Variants in NBEAL2 observed in about 807,000 individuals in gnomAD.
NBEAL2 encodes the protein neurobeachin like 2.
A neutral mutation model predicts 299.8 loss-of-function variants in NBEAL2; 160 were observed. The observed-to-expected ratio is 0.53, with a 90% CI of 0.47 to 0.61. NBEAL2 has a LOEUF of 0.61. Ranked by LOEUF, NBEAL2 falls within the 20% of genes least tolerant of loss-of-function variation. The probability of loss-of-function intolerance (pLI) is 0.00; values close to 1 mark genes in which losing one functional copy is unlikely to be tolerated. For synonymous variants in NBEAL2, 1,493 were observed against 1,542.3 expected, an observed-to-expected ratio of 0.97 and a Z score of 0.75; for missense variants, 3,112 against 3,649.0, an observed-to-expected ratio of 0.85 and a Z score of 3.79.
In NBEAL2 at chr3:46,988,017, G is replaced by A. The variant is rs1307560883; in HGVS notation, c.52-652G>A. ...ACCAAAGTTTTCCTGGCAGCGCCTAGACCTGGGCTTAGCCACTGCCCCTCT... is the reference window on the plus strand; with the variant it reads ...ACCAAAGTTTTCCTGGCAGCGCCTAAACCTGGGCTTAGCCACTGCCCCTCT... On this transcript the variant is annotated intron_variant, in intron 1 of 53. Transcript: ENST00000450053. The surrounding 1 kb of genome is among the most constrained non-coding windows in gnomAD (Gnocchi z 4.4). 2 of 1,279,220 alleles carry A rather than the reference G, an allele frequency of 1.6e-6. No individual in the cohort carries two copies. The highest frequency in any genetic ancestry group is 2.0e-6 in the Non-Finnish European group (2 of 983,858). The allele number at this position is 1,279,220 out of a possible 1,614,324, so 79.2% of individuals were successfully genotyped here.
Position 47,000,302 on chromosome 3 carries a change from T to C in NBEAL2, c.4203T>C (p.Ala1401=). 1 of 1,612,232 alleles carries C rather than the reference T, an allele frequency of 6.2e-7. No homozygotes were observed. The highest frequency in any genetic ancestry group is 8.5e-7 in the Non-Finnish European group (1 of 1,179,412). Residue 1401 remains alanine (A), a synonymous_variant, in exon 27 of 54, where the codon GCT becomes GCC. Coordinates refer to ENST00000450053, the MANE Select transcript of NBEAL2 (RefSeq NM_015175.3). This position sits in a 1 kb window ranked among gnomAD's most constrained non-coding sequence, Gnocchi z 4.5. ...ATGGGCCGCGGCCCTTTCCTGCTGC[T>C]CCTGGCCGCCACAGCTCCAGTCTCT... is the stretch of plus-strand genomic sequence containing the variant. ...PLDGPRPFPA[A]PGRHSSSLSN...
At chr3:46,984,305 G>A (rs1425158459) in intron 1 of NBEAL2, among the ~76,000 whole-genome samples, 1 of 151,924 alleles carries the variant, frequency 6.6e-6, no homozygotes, top group Non-Finnish European at 1.5e-5. Context: ...GCGAGACTCC[G>A]TCTCAAAAAA....
In NBEAL2 at chr3:46,982,221, G is replaced by A. The variant is rs141448694; in HGVS notation, c.51+2309G>A. ...GTGTGTGTGCTTGGGGAGGGGGAGT[G>A]CAAGGTAAGGGGCAGAGCTGAAAGT... On this transcript the variant is annotated intron_variant, in intron 1 of 53. Transcript: ENST00000450053. This position sits in a 1 kb window ranked among gnomAD's most constrained non-coding sequence, Gnocchi z 4.2. Among the ~76,000 whole-genome samples, 804 of 152,270 alleles carry A rather than the reference G, an allele frequency of 5.3e-3. 6 individuals carry two copies. The highest frequency in any genetic ancestry group is 0.018 in the African/African-American group (758 of 41,544).
In NBEAL2 at chr3:46,996,766, C is replaced by T; in HGVS notation, c.2489C>T (p.Ala830Val). The change falls in exon 17 of 54, where the codon GCA becomes GTA. Residue 830 changes from alanine to valine, a missense_variant. Coordinates refer to ENST00000450053, the MANE Select transcript of NBEAL2 (RefSeq NM_015175.3). The stretch of plus-strand genomic sequence containing the variant: ...CACCTCCCAGGGCCCAATGAGACGG[C>T]ACCCTTCAAGCCTGAGGGGGAGCTG... ...TLCTLGPNET[A>V]PFKPEGELHE... 6.2e-7 allele frequency: 1 copy of T among 1,612,456 alleles called. No homozygotes were observed. Among genetic ancestry groups the T allele is most frequent in the Non-Finnish European group, 8.5e-7 (1 of 1,179,676 alleles).
chr3:47,009,101 G>C lies in NBEAL2; in HGVS notation c.8140G>C (p.Val2714Leu). The part of the protein sequence containing the change: ...VGLEDGKLIV[V>L]VAGQPSEVRS... Reference sequence around the variant, plus strand: ...CCTGGAGGATGGCAAGCTCATCGTGGTGGTCGCGGGGCAGCCCTCTGAGGT... The same window carrying C: ...CCTGGAGGATGGCAAGCTCATCGTGCTGGTCGCGGGGCAGCCCTCTGAGGT... The change falls in exon 53 of 54, where the codon GTG becomes CTG. Residue 2714 changes from valine (V) to leucine (L), a missense_variant. Val to Leu is a conservative substitution (Grantham distance 32, BLOSUM62 1). Transcript: ENST00000450053. 1 of 1,596,670 alleles carries C rather than the reference G, an allele frequency of 6.3e-7. No individual in the cohort carries two copies. The highest frequency in any genetic ancestry group is 1.3e-5 in the African/African-American group (1 of 74,878).
Position 47,004,959 on chromosome 3 carries a change from G to A in NBEAL2, c.6295-13G>A. The A allele has an allele frequency of 6.2e-7, 1 of 1,600,440 alleles. No individual in the cohort carries two copies. Among genetic ancestry groups the A allele is most frequent in the Non-Finnish European group, 8.5e-7 (1 of 1,173,976 alleles). On this transcript the variant is annotated splice_polypyrimidine_tract_variant and intron_variant, in intron 38 of 53. Transcript: ENST00000450053. The surrounding 1 kb of genome is among the most constrained non-coding windows in gnomAD (Gnocchi z 5.0). ...AGGGCCCTCATGCAGCCCCTGCTCG[G>A]GTGGGTGGCCAGTTCCCCTGGGTCC... is the stretch of plus-strand genomic sequence containing the variant.
At position 46,991,550 on chromosome 3, in the gene NBEAL2, G is replaced by T; in HGVS notation, c.787G>T (p.Ala263Ser). ...GGTAGGTGCAGTCCATGTCTTGCAT[G>T]CCAGCCGCGCACCTCCTCGTGGCCC... is the stretch of plus-strand genomic sequence containing the variant. ...ALVGAVHVLH[A>S]SRAPPRGPEL... Residue 263 changes from alanine to serine, a missense_variant, in exon 8 of 54, where the codon GCC becomes TCC. Ala to Ser is a moderately conservative substitution (Grantham distance 99). Around this residue, in one of 3 missense-constraint regions of NBEAL2, gnomAD observed 2,243 missense variants for 2,538.1 expected, o/e 0.88. Coordinates refer to ENST00000450053, the MANE Select transcript of NBEAL2 (RefSeq NM_015175.3). This position sits in a 1 kb window ranked among gnomAD's most constrained non-coding sequence, Gnocchi z 6.2. 6.2e-7 allele frequency: 1 copy of T among 1,606,406 alleles called. No homozygotes were observed.
rs2037587884 is a variant in NBEAL2 at position 47,007,997 on chromosome 3, C to T, written c.7603-73C>T. On this transcript the variant is annotated intron_variant, in intron 49 of 53. Transcript: ENST00000450053. The stretch of plus-strand genomic sequence containing the variant: ...TCAGTGGCCTTCCAGTCCTGTCCTC[C>T]TCTAGTCTTGGACAAGGCCTTCATT... The T allele has an allele frequency of 1.2e-5, 19 of 1,583,946 alleles. No homozygotes were observed. In the East Asian group the frequency reaches 4.3e-4, roughly 36 times the overall value.
At position 47,009,349 on chromosome 3, in the gene NBEAL2, GC is replaced by G. The variant is rs2037723990; in HGVS notation, c.*34del. 6.4e-7 allele frequency: 1 copy of G among 1,556,100 alleles called. No homozygotes were observed. The highest frequency in any genetic ancestry group is 1.4e-5 in the African/African-American group (1 of 73,274). ...TGGCCAGTCCGGCTGCTCGGGCCCC[GC>G]CCCCGGCAGGCCTGGCCCGGGAGGC... On this transcript the variant is annotated 3_prime_UTR_variant, in exon 54 of 54. Transcript: ENST00000450053.
chr3:46,987,199 T>A (rs1348131969), intron 1 of NBEAL2, among the ~76,000 whole-genome samples: 1 of 152,208 alleles, frequency 6.6e-6, no homozygotes, highest in African/African-American at 2.4e-5. Context: ...GCCTTGCCCG[T>A]GGTCTGGGCC....
chr3:46,997,475 G>T, intron 19 of NBEAL2, 42 bp downstream of exon 19: 1 of 1,596,812 alleles, frequency 6.3e-7, no homozygotes, highest in Non-Finnish European at 8.6e-7. Flanking sequence ...GGGAATCTTG[G>T]CATGGTAGGG....
chr3:46,991,329 A>T lies in NBEAL2; in HGVS notation c.642+25A>T, dbSNP rs1162188702. The T allele has an allele frequency of 1.3e-6, 2 of 1,588,950 alleles. No homozygotes were observed. The highest frequency in any genetic ancestry group is 1.7e-6 in the Non-Finnish European group (2 of 1,167,166). On this transcript the variant is annotated intron_variant, in intron 7 of 53. Transcript: ENST00000450053. The surrounding 1 kb of genome is among the most constrained non-coding windows in gnomAD (Gnocchi z 6.2). The stretch of plus-strand genomic sequence containing the variant: ...GGTAGGCTGGGAGGTGAGCCTGTGG[A>T]CTAGAGAGCAGCTCTTTCAGTATCT...
chr3:46,992,533 T>G lies in NBEAL2; in HGVS notation c.1091T>G (p.Leu364Arg). Residue 364 changes from leucine (L) to arginine (R), a missense_variant, in exon 10 of 54, where the codon CTG (leucine) becomes CGG (arginine). Physicochemically the swap from Leu to Arg is moderately radical, Grantham distance 102. Coordinates refer to ENST00000450053, the MANE Select transcript of NBEAL2 (RefSeq NM_015175.3). ...EGDSDLATRL[L>R]TEPDVQKVLD... Reference sequence around the variant, plus strand: ...GACAGTGACCTGGCTACCCGGTTACTGACTGAGCCCGATGTCCAAAAGGTA... The same window carrying G: ...GACAGTGACCTGGCTACCCGGTTACGGACTGAGCCCGATGTCCAAAAGGTA... The G allele has an allele frequency of 6.2e-7, 1 of 1,601,634 alleles. No individual in the cohort carries two copies. Among genetic ancestry groups the G allele is most frequent in the Non-Finnish European group, 8.5e-7 (1 of 1,174,542 alleles).
At chr3:46,994,046 G>T in intron 11 of NBEAL2, 26 bp downstream of exon 11, 1 of 1,591,138 alleles carries the variant, frequency 6.3e-7, no homozygotes, top group Admixed American at 1.7e-5. Flanking sequence ...TGCAGCTTTA[G>T]TAGGGGTGCG....
Position 46,988,061 on chromosome 3 carries a change from T to A in NBEAL2, c.52-608T>A. Reference sequence around the variant, plus strand: ...CCCCTCTTGCCCATGGAACCAGCTCTGGGGCCTGGGGTCCAGGTAACCAGC... The same window carrying A: ...CCCCTCTTGCCCATGGAACCAGCTCAGGGGCCTGGGGTCCAGGTAACCAGC... On this transcript the variant is annotated intron_variant, in intron 1 of 53. Coordinates refer to ENST00000450053, the MANE Select transcript of NBEAL2 (RefSeq NM_015175.3). The surrounding 1 kb of genome is among the most constrained non-coding windows in gnomAD (Gnocchi z 4.4). 1 of 1,247,196 alleles carries A rather than the reference T, an allele frequency of 8.0e-7. No homozygotes were observed. The highest frequency in any genetic ancestry group is 1.0e-6 in the Non-Finnish European group (1 of 969,546). 77.3% of individuals were successfully genotyped at this position (1,247,196 alleles called of 1,614,324 possible). A position where few individuals can be genotyped will look rare whatever the true frequency, so the allele number is the denominator to read the frequency against.
intron 45 of NBEAL2, 129 bp from the exon 46 acceptor site, chr3:47,006,937 C>G (rs557085767): frequency 1.4e-6 from 1 of 729,652 alleles, no homozygotes; most frequent in African/African-American, 1.8e-5. Context: ...TGGAGGGAAC[C>G]TCTGCATCTG....
chr3:46,999,964 A>G lies in NBEAL2; in HGVS notation c.3865A>G (p.Thr1289Ala), dbSNP rs1407003415. The change falls in exon 27 of 54, where the codon ACC (threonine) becomes GCC (alanine). Residue 1289 changes from threonine to alanine, a missense_variant. This residue lies in a region of NBEAL2 where 2,243 missense variants were observed against 2,538.1 expected (regional missense o/e 0.88). Coordinates refer to ENST00000450053, the MANE Select transcript of NBEAL2 (RefSeq NM_015175.3). The stretch of plus-strand genomic sequence containing the variant: ...ACAGGCTGGCTGGCAAGATGTGCTG[A>G]CCCGGCTATATGTCCTGGAGGCTGC... ...ARQAGWQDVL[T>A]RLYVLEAATA... The G allele has an allele frequency of 6.2e-7, 1 of 1,611,856 alleles. No homozygotes were observed. The highest frequency in any genetic ancestry group is 1.1e-5 in the South Asian group (1 of 91,072).
At chr3:46,996,131 T>G (rs1028518174) in intron 15 of NBEAL2, 80 bp downstream of exon 15, 1 of 1,547,794 alleles carries the variant, frequency 6.5e-7, no homozygotes. Flanking sequence ...CCTGGAGCCC[T>G]TGTGTCCCGT....
chr3:46,991,078 C>A lies in NBEAL2; in HGVS notation c.557-141C>A. 2 of 717,120 alleles carry A rather than the reference C, an allele frequency of 2.8e-6. No individual in the cohort carries two copies. The highest frequency in any genetic ancestry group is 1.7e-5 in the South Asian group (1 of 58,584). The allele number at this position is 717,120 out of a possible 1,614,324, so 44.4% of individuals were successfully genotyped here. ...TAGATGCCCCCCAGGGCAGAGCCAGCTCTTATCCCTCACACTGGATCTTTT... is the reference window on the plus strand; with the variant it reads ...TAGATGCCCCCCAGGGCAGAGCCAGATCTTATCCCTCACACTGGATCTTTT... On this transcript the variant is annotated intron_variant, in intron 6 of 53. Transcript: ENST00000450053. The surrounding 1 kb of genome is among the most constrained non-coding windows in gnomAD (Gnocchi z 6.2).
Sources: gnomAD v4.1 joint callset for allele counts (sites outside exome capture counted in the v4.1 genomes callset) on GRCh38, gnomAD v4.1.1 for gene constraint, gnomAD v4.1.1 regional missense constraint, Gnocchi (gnomAD v3.1) non-coding constraint, MANE v1.5 for transcripts, NCBI Gene and HGNC (gene_info 2026-07-23, HGNC 2026-07-21) for gene names.